SORCS2: variants seen among roughly 807,000 people sequenced by gnomAD.
The protein encoded by SORCS2 is VPS10 domain-containing receptor SorCS2.
Under a neutral mutation model 141.6 loss-of-function variants are expected in SORCS2, and 100 were observed. That is an observed-to-expected ratio of 0.71 (90% confidence interval 0.60 to 0.83). The LOEUF is 0.83. SORCS2 is among the 40% of genes least tolerant of loss of function. The pLI, the probability that SORCS2 is intolerant of heterozygous loss-of-function variation, is 0.00. For synonymous variants in SORCS2, 789 were observed against 676.9 expected, an observed-to-expected ratio of 1.17 and a Z score of -2.57; for missense variants, 1,646 against 1,560.2, an observed-to-expected ratio of 1.05 and a Z score of -0.93.
intron 3 of SORCS2, among the ~76,000 whole-genome samples, chr4:7,552,361 A>G (rs1713776393): frequency 6.6e-6 from 1 of 152,158 alleles, no homozygotes; most frequent in African/African-American, 2.4e-5. Flanking sequence ...CACTTTCAGC[A>G]GGGCAAAGAG....
Position 7,201,605 on chromosome 4 carries a change from C to T in SORCS2, c.480+8479C>T, listed in dbSNP as rs11734540. On this transcript the variant is annotated intron_variant, in intron 1 of 26. Transcript: ENST00000507866. This position sits in a 1 kb window ranked among gnomAD's most constrained non-coding sequence, Gnocchi z 4.4. ...ACGGGCGAATCAGCTGGGACGCTGCCGAGAACCCCTGTGCCTTTTCCGGTG... is the reference window on the plus strand; with the variant it reads ...ACGGGCGAATCAGCTGGGACGCTGCTGAGAACCCCTGTGCCTTTTCCGGTG... 0.1 allele frequency among the ~76,000 whole-genome samples: 15,916 copies of T among 152,166 alleles called. 924 individuals carry two copies. The highest frequency in any genetic ancestry group is 0.27 in the South Asian group (1,301 of 4,810).
Position 7,654,287 on chromosome 4 carries a change from T to A in SORCS2, c.887+80T>A, listed in dbSNP as rs1053678554. ...CTTCCCCCAAACCCTTGGGAGCCCA[T>A]CCCTGCAGCTCCCTTTCCTCCTCTG... On this transcript the variant is annotated intron_variant, in intron 5 of 26. Transcript: ENST00000507866. The A allele has an allele frequency of 1.8e-5, 25 of 1,369,750 alleles. No homozygotes were observed. The African/African-American group carries it at 3.3e-4, about 18-fold the overall frequency. 84.8% of individuals were successfully genotyped at this position (1,369,750 alleles called of 1,614,324 possible). A position where few individuals can be genotyped will look rare whatever the true frequency, so the allele number is the denominator to read the frequency against.
At chr4:7,737,566 C>A (rs1712293608) in intron 26 of SORCS2, among the ~76,000 whole-genome samples, 1 of 152,196 alleles carries the variant, frequency 6.6e-6, no homozygotes, top group East Asian at 1.9e-4. Flanking sequence ...CCCAGTCCTC[C>A]ACTTCACTGC....
chr4:7,632,509 C>T (rs1166851389), intron 3 of SORCS2, among the ~76,000 whole-genome samples: 5 of 152,208 alleles, frequency 3.3e-5, no homozygotes, highest in Non-Finnish European at 5.9e-5. Flanking sequence ...CTGGCTCACT[C>T]TCCCAACTCG....
chr4:7,517,057 G>A (rs140088892), intron 2 of SORCS2, among the ~76,000 whole-genome samples: 3 of 152,306 alleles, frequency 2.0e-5, no homozygotes, highest in East Asian at 1.9e-4. Context: ...CTTGGAAGTC[G>A]ACACAGGCGT....
intron 1 of SORCS2, among the ~76,000 whole-genome samples, chr4:7,312,748 G>A (rs188569328): frequency 2.6e-5 from 4 of 152,250 alleles, no homozygotes; most frequent in South Asian, 2.1e-4. Context: ...CAAATGTCAC[G>A]CCCCTGCTTA....
chr4:7,633,006 T>A (rs1481300633), intron 3 of SORCS2, among the ~76,000 whole-genome samples: 1 of 152,218 alleles, frequency 6.6e-6, no homozygotes, highest in Non-Finnish European at 1.5e-5. Context: ...CAAAACAGGC[T>A]CACATGTATA....
chr4:7,296,763 G>C (rs1164120555), intron 1 of SORCS2, among the ~76,000 whole-genome samples: 1 of 152,198 alleles, frequency 6.6e-6, no homozygotes, highest in Non-Finnish European at 1.5e-5. Flanking sequence ...CAGGTCAGCA[G>C]AGAAGACATC....
At chr4:7,549,789 C>T (rs564506059) in intron 3 of SORCS2, among the ~76,000 whole-genome samples, 2 of 152,312 alleles carry the variant, frequency 1.3e-5, no homozygotes, top group African/African-American at 4.8e-5. Flanking sequence ...CCTTGGGGAC[C>T]AGCACCGTAT....
chr4:7,499,289 G>A (rs113432914), intron 2 of SORCS2, among the ~76,000 whole-genome samples: 4,098 of 152,280 alleles, frequency 0.027, 196 homozygotes, highest in African/African-American at 0.093. Context: ...AGACGAAGCC[G>A]GACTCTGGAG....
chr4:7,275,289 G>C lies in SORCS2; in HGVS notation c.480+82163G>C, dbSNP rs1364967164. 2.6e-5 allele frequency among the ~76,000 whole-genome samples: 4 copies of C among 152,196 alleles called. 1 individual carries two copies. The highest frequency in any genetic ancestry group is 2.6e-4 in the Admixed American group (4 of 15,274). The stretch of plus-strand genomic sequence containing the variant: ...TCGAAGTCATGGTCAAGAGCATGAG[G>C]ACAGGGCTGTAGGGTTGAGGGCTCT... On this transcript the variant is annotated intron_variant, in intron 1 of 26. Coordinates refer to ENST00000507866, the MANE Select transcript of SORCS2 (RefSeq NM_020777.3).
At chr4:7,330,970 A>C (rs1037950101) in intron 1 of SORCS2, among the ~76,000 whole-genome samples, 6 of 152,066 alleles carry the variant, frequency 3.9e-5, no homozygotes, top group Admixed American at 2.6e-4. Context: ...CCCTCCTGCG[A>C]GGGAGAGGAA....
intron 1 of SORCS2, among the ~76,000 whole-genome samples, chr4:7,388,008 A>G (rs1488735171): frequency 1.3e-5 from 2 of 150,992 alleles, no homozygotes; most frequent in Non-Finnish European, 2.9e-5. Context: ...ACACATGCAC[A>G]TGCATACAGA....
chr4:7,697,953 C>A (rs548704643), intron 12 of SORCS2, among the ~76,000 whole-genome samples: 2 of 152,292 alleles, frequency 1.3e-5, no homozygotes, highest in East Asian at 3.9e-4. Context: ...CCACGTGGAG[C>A]TCAGATTCGC....
rs567237024 is a variant in SORCS2, at chr4:7,714,826, C to T, written c.2124-357C>T. 9.2e-5 allele frequency among the ~76,000 whole-genome samples: 14 copies of T among 152,302 alleles called. 1 individual carries two copies. Among genetic ancestry groups the T allele is most frequent in the South Asian group, 2.1e-4 (1 of 4,826 alleles). Reference sequence around the variant, plus strand: ...TGCCACCTCACCCCTCCTCATCATGCCCCCTGGCATTGCAGCCTCCTCCAC... The same window carrying T: ...TGCCACCTCACCCCTCCTCATCATGTCCCCTGGCATTGCAGCCTCCTCCAC... On this transcript the variant is annotated intron_variant, in intron 16 of 26. Transcript: ENST00000507866.
chr4:7,340,192 C>T (rs919360606), intron 1 of SORCS2, among the ~76,000 whole-genome samples: 6 of 152,340 alleles, frequency 3.9e-5, no homozygotes, highest in African/African-American at 1.4e-4. Flanking sequence ...CGAGGCCCCA[C>T]AGTTAGTAAG....
rs72045612 is a variant in SORCS2 at position 7,386,301 on chromosome 4, CAT to C, written c.481-9985_481-9984del. Among the ~76,000 whole-genome samples the C allele has an allele frequency of 3.3e-3, 272 of 83,208 alleles. 27 individuals are homozygous for C. Among genetic ancestry groups the C allele is most frequent in the African/African-American group, 9.2e-3 (171 of 18,668 alleles). The allele number at this position is 83,208 out of a possible 152,430, so 54.6% of individuals were successfully genotyped here. A position where few individuals can be genotyped will look rare whatever the true frequency, so the allele number is the denominator to read the frequency against. ...ACGCACATGCACACACATGCACACA[CAT>C]ACACATTTGCACACACGCACACATA... is the stretch of plus-strand genomic sequence containing the variant. On this transcript the variant is annotated intron_variant, in intron 1 of 26. Coordinates refer to ENST00000507866, the MANE Select transcript of SORCS2 (RefSeq NM_020777.3).
chr4:7,314,047 C>T (rs1718376327), intron 1 of SORCS2, among the ~76,000 whole-genome samples: 1 of 152,200 alleles, frequency 6.6e-6, no homozygotes, highest in African/African-American at 2.4e-5. Context: ...AGAAACTTTC[C>T]CAGAGGCTGG....
intron 3 of SORCS2, among the ~76,000 whole-genome samples, chr4:7,637,234 G>A (rs535069755): frequency 5.9e-5 from 9 of 152,276 alleles, no homozygotes; most frequent in Admixed American, 3.3e-4. Flanking sequence ...GCTGCTGTCC[G>A]AGGCCTTGCA....
Sources: allele counts gnomAD v4.1 joint callset (sites outside exome capture counted in the v4.1 genomes callset), GRCh38; gene constraint gnomAD v4.1.1; non-coding constraint Gnocchi (gnomAD v3.1); transcripts MANE v1.5; gene names NCBI Gene and HGNC (gene_info 2026-07-23, HGNC 2026-07-21).